The following KCNQ1 variants were observed in gnomAD, a reference collection of about 807,000 sequenced individuals.
KCNQ1 encodes the protein potassium voltage-gated channel subfamily Q member 1, also known as potassium voltage-gated channel subfamily KQT member 1.
Under a neutral mutation model 72.4 loss-of-function variants are expected in KCNQ1, and 49 were observed. The ratio of observed to expected loss-of-function variants is 0.68; its 90% confidence interval spans 0.54 to 0.86. The LOEUF (loss-of-function observed/expected upper bound fraction) is 0.86. Among genes scored for constraint, KCNQ1 ranks in the 40% least tolerant of loss-of-function variants. KCNQ1 has a pLI of 0.00. For missense variants in KCNQ1, 790 were observed against 945.1 expected (o/e 0.84, Z 2.15); for synonymous variants, 450 against 412.6 (o/e 1.09, Z -1.10).
intron 11 of KCNQ1, among the ~76,000 whole-genome samples, chr11:2,740,660 A>G (rs1370131155): frequency 6.6e-6 from 1 of 152,222 alleles, no homozygotes; most frequent in Non-Finnish European, 1.5e-5. Context: ...AGGTGTCCTC[A>G]GGGCTGGTCC....
chr11:2,675,439 A>T, intron 11 of KCNQ1: 1 of 398,684 alleles, frequency 2.5e-6, no homozygotes, highest in Non-Finnish European at 4.4e-6. Flanking sequence ...CGTTAAAATA[A>T]AAGATGATCT....
Position 2,473,296 on chromosome 11 carries a change from G to A in KCNQ1, c.386+27812G>A, listed in dbSNP as rs569010763. 1.3e-5 allele frequency among the ~76,000 whole-genome samples: 2 copies of A among 152,252 alleles called. No individual in the cohort carries two copies. The highest frequency in any genetic ancestry group is 2.4e-5 in the African/African-American group (1 of 41,546). On this transcript the variant is annotated intron_variant, in intron 1 of 15. Transcript: ENST00000155840. The surrounding 1 kb of genome is among the most constrained non-coding windows in gnomAD (Gnocchi z 6.0). ...TTTGTATAATAAATGGAAGAAAATA[G>A]TGGTTGGGGGCTTGCTGGGGACTCA...
At position 2,451,410 on chromosome 11, in the gene KCNQ1, G is replaced by T. The variant is rs940478104; in HGVS notation, c.386+5926G>T. 1.3e-5 allele frequency among the ~76,000 whole-genome samples: 2 copies of T among 152,180 alleles called. No individual in the cohort carries two copies. Among genetic ancestry groups the T allele is most frequent in the African/African-American group, 4.8e-5 (2 of 41,440 alleles). On this transcript the variant is annotated intron_variant, in intron 1 of 15. Transcript: ENST00000155840. This position sits in a 1 kb window ranked among gnomAD's most constrained non-coding sequence, Gnocchi z 6.4. The stretch of plus-strand genomic sequence containing the variant: ...ACCTGACGCTCACTCACTGCTGTGC[G>T]GCCTGCTCCCTAACAGGCCACGGAC...
intron 10 of KCNQ1, chr11:2,630,896 A>T (rs750558573): frequency 1.3e-5 from 5 of 398,440 alleles, no homozygotes; most frequent in Non-Finnish European, 1.8e-5. Flanking sequence ...AACTTTGAAT[A>T]TATAATCCTA....
chr11:2,554,049 G>A (rs544411829), intron 2 of KCNQ1, among the ~76,000 whole-genome samples: 158 of 152,326 alleles, frequency 1.0e-3, no homozygotes, highest in South Asian at 1.7e-3. Flanking sequence ...CTTTTTGGAT[G>A]TGACTGACTT....
Position 2,691,568 on chromosome 11 carries a change from C to A in KCNQ1, c.1514+29487C>A. 2.5e-6 allele frequency: 1 copy of A among 398,576 alleles called. No homozygotes were observed. Among genetic ancestry groups the A allele is most frequent in the Admixed American group, 4.4e-5 (1 of 22,740 alleles). 24.7% of individuals were successfully genotyped at this position (398,576 alleles called of 1,614,324 possible). On this transcript the variant is annotated intron_variant, in intron 11 of 15. Transcript: ENST00000155840. This position sits in a 1 kb window ranked among gnomAD's most constrained non-coding sequence, Gnocchi z 6.4. ...TCTATCCTGAGGTTATGAAATACCT[C>A]AGCAAGGACGAGGCCTCCCTGAGGG...
At chr11:2,819,736 C>T (rs1473473384) in intron 15 of KCNQ1, among the ~76,000 whole-genome samples, 1 of 152,148 alleles carries the variant, frequency 6.6e-6, no homozygotes, top group Admixed American at 6.5e-5. Context: ...TTATAGAAAT[C>T]ACCCCCAAAA....
In KCNQ1 at chr11:2,737,765, C is replaced by T. The variant is rs557024519; in HGVS notation, c.1515-31079C>T. ...TATTAATGCCATGTCCACCTCGCTG[C>T]CAGGGAGAGTGGGGCTGCAGCAGGG... On this transcript the variant is annotated intron_variant, in intron 11 of 15. Coordinates refer to ENST00000155840, the MANE Select transcript of KCNQ1 (RefSeq NM_000218.3). Among the ~76,000 whole-genome samples the T allele has an allele frequency of 8.5e-5, 13 of 152,278 alleles. No homozygotes were observed. In the South Asian group the frequency reaches 2.7e-3, roughly 32 times the overall value.
chr11:2,704,364 G>A lies in KCNQ1; in HGVS notation c.1514+42283G>A, dbSNP rs1039658710. On this transcript the variant is annotated intron_variant, in intron 11 of 15. Transcript: ENST00000155840. The surrounding 1 kb of genome is among the most constrained non-coding windows in gnomAD (Gnocchi z 4.3). ...TCTGTTCCCACTGAGCCCATGAGAC[G>A]GCTATTCCTTTGAGACATGTTTACT... is the stretch of plus-strand genomic sequence containing the variant. 3.3e-5 allele frequency among the ~76,000 whole-genome samples: 5 copies of A among 152,208 alleles called. No homozygotes were observed. The highest frequency in any genetic ancestry group is 2.0e-4 in the Admixed American group (3 of 15,288).
At chr11:2,761,322 C>T (rs555785212) in intron 11 of KCNQ1, among the ~76,000 whole-genome samples, 1 of 152,262 alleles carries the variant, frequency 6.6e-6, no homozygotes, top group East Asian at 1.9e-4. Context: ...TTCCTCTCGA[C>T]CTACCCTCAA....
At chr11:2,667,119 T>C (rs903232610) in intron 11 of KCNQ1, 14 of 398,646 alleles carry the variant, frequency 3.5e-5, no homozygotes, top group African/African-American at 2.7e-4. Context: ...GCGTAATGGC[T>C]CAGTGGGAAA....
At chr11:2,792,938 C>T (rs1014844402) in intron 15 of KCNQ1, among the ~76,000 whole-genome samples, 1 of 151,722 alleles carries the variant, frequency 6.6e-6, no homozygotes, top group African/African-American at 2.4e-5. Context: ...TGCACAGCAC[C>T]CCCTCTCTTC....
intron 1 of KCNQ1, among the ~76,000 whole-genome samples, chr11:2,474,480 G>A (rs938003605): frequency 6.6e-6 from 1 of 152,344 alleles, no homozygotes; most frequent in Non-Finnish European, 1.5e-5. Flanking sequence ...CTAAGTGGCT[G>A]CAGATAGCAG....
At position 2,567,675 on chromosome 11, in the gene KCNQ1, G is replaced by A. The variant is rs550346371; in HGVS notation, c.478-2953G>A. Among the ~76,000 whole-genome samples the A allele has an allele frequency of 6.6e-6, 1 of 152,212 alleles. No homozygotes were observed. Among genetic ancestry groups the A allele is most frequent in the Non-Finnish European group, 1.5e-5 (1 of 68,038 alleles). ...CAGCCTAATTAACCTGACAAGCGGG[G>A]CCTCCCCAGCCATGCAGCCTTGCAC... is the stretch of plus-strand genomic sequence containing the variant. On this transcript the variant is annotated intron_variant, in intron 2 of 15. Coordinates refer to ENST00000155840, the MANE Select transcript of KCNQ1 (RefSeq NM_000218.3). The surrounding 1 kb of genome is among the most constrained non-coding windows in gnomAD (Gnocchi z 6.6).
intron 11 of KCNQ1, chr11:2,692,363 C>G: frequency 2.5e-6 from 1 of 398,970 alleles, no homozygotes; most frequent in Non-Finnish European, 4.4e-6. Flanking sequence ...CATCTCCTAA[C>G]TGGCATTCTC....
Position 2,538,075 on chromosome 11 carries a change from C to G in KCNQ1, c.477+10057C>G, listed in dbSNP as rs1847764693. On this transcript the variant is annotated intron_variant, in intron 2 of 15. Coordinates refer to ENST00000155840, the MANE Select transcript of KCNQ1 (RefSeq NM_000218.3). The surrounding 1 kb of genome is among the most constrained non-coding windows in gnomAD (Gnocchi z 6.7). The stretch of plus-strand genomic sequence containing the variant: ...AGTTGGAGGCAGTATGACCGTTTCT[C>G]CGTATAAAGCCCGTGTATATCCTCT... Among the ~76,000 whole-genome samples, 1 of 152,152 alleles carries G rather than the reference C, an allele frequency of 6.6e-6. No homozygotes were observed. The highest frequency in any genetic ancestry group is 2.4e-5 in the African/African-American group (1 of 41,434).
In KCNQ1 at chr11:2,464,256, G is replaced by A. The variant is rs7939542; in HGVS notation, c.386+18772G>A. 0.27 allele frequency among the ~76,000 whole-genome samples: 41,543 copies of A among 152,086 alleles called. 6,334 individuals carry two copies. Among genetic ancestry groups the A allele is most frequent in the African/African-American group, 0.39 (16,098 of 41,448 alleles). ...GGACAGCAGATAACAAGCCTTCGTCGTGGTCACCCCTGGGTGTGGGCTGTG... is the reference window on the plus strand; with the variant it reads ...GGACAGCAGATAACAAGCCTTCGTCATGGTCACCCCTGGGTGTGGGCTGTG... On this transcript the variant is annotated intron_variant, in intron 1 of 15. Coordinates refer to ENST00000155840, the MANE Select transcript of KCNQ1 (RefSeq NM_000218.3). This position sits in a 1 kb window ranked among gnomAD's most constrained non-coding sequence, Gnocchi z 5.0.
chr11:2,805,512 C>G (rs185195076), intron 15 of KCNQ1, among the ~76,000 whole-genome samples: 162 of 152,368 alleles, frequency 1.1e-3, no homozygotes, highest in African/African-American at 3.7e-3. Context: ...CCTCATCTGG[C>G]CCCGCTGCCT....
At position 2,492,198 on chromosome 11, in the gene KCNQ1, T is replaced by C. The variant is rs1205207806; in HGVS notation, c.387-35730T>C. On this transcript the variant is annotated intron_variant, in intron 1 of 15. Transcript: ENST00000155840. The surrounding 1 kb of genome is among the most constrained non-coding windows in gnomAD (Gnocchi z 4.1). ...AAATAGTATTATAACACTGTAATTA[T>C]GGTGTGTAAACTACTCATATATTAA... Among the ~76,000 whole-genome samples, 1 of 152,196 alleles carries C rather than the reference T, an allele frequency of 6.6e-6. No homozygotes were observed. Among genetic ancestry groups the C allele is most frequent in the African/African-American group, 2.4e-5 (1 of 41,448 alleles).
Sources: gnomAD v4.1 joint callset for allele counts (sites outside exome capture counted in the v4.1 genomes callset) on GRCh38, gnomAD v4.1.1 for gene constraint, Gnocchi (gnomAD v3.1) non-coding constraint, MANE v1.5 for transcripts, NCBI Gene and HGNC (gene_info 2026-07-23, HGNC 2026-07-21) for gene names.